The following FLYWCH1 variants were observed in gnomAD, a reference collection of about 807,000 sequenced individuals.
FLYWCH1 encodes FLYWCH-type zinc finger-containing protein 1.
A neutral mutation model predicts 66.4 loss-of-function variants in FLYWCH1; 75 were observed. That is an observed-to-expected ratio of 1.13 (90% CI 0.94 to 1.37). The LOEUF is 1.37. Among genes scored for constraint, FLYWCH1 ranks in the 40% most tolerant of loss-of-function variants. The pLI, the probability that FLYWCH1 is intolerant of heterozygous loss-of-function variation, is 0.00. For missense variants in FLYWCH1, 1,334 were observed against 1,001.8 expected, an observed-to-expected ratio of 1.33 and a Z score of -4.48; for synonymous variants, 595 against 429.9, an observed-to-expected ratio of 1.38 and a Z score of -4.75.
At chr16:2,920,175 C>G (rs1596356466) in intron 2 of FLYWCH1, among the ~76,000 whole-genome samples, 2 of 152,014 alleles carry the variant, frequency 1.3e-5, no homozygotes, top group African/African-American at 4.8e-5. Context: ...GAAAATTTCA[C>G]AACATATAAT....
At chr16:2,924,828 G>A (rs1443040563) in intron 2 of FLYWCH1, among the ~76,000 whole-genome samples, 2 of 152,252 alleles carry the variant, frequency 1.3e-5, no homozygotes, top group Non-Finnish European at 2.9e-5. Flanking sequence ...CCGGCGGTCA[G>A]GGCCTTTTCT....
At position 2,919,524 on chromosome 16, in the gene FLYWCH1, G is replaced by A. The variant is rs1484921173; in HGVS notation, c.-74+5235G>A. On this transcript the variant is annotated intron_variant, in intron 2 of 9. Transcript: ENST00000253928. ...CGTGATCCGCCTGCCTTGGCCTGCC[G>A]AAGTGCTGGGATTACAGGCGTGAGC... 2.0e-5 allele frequency among the ~76,000 whole-genome samples: 3 copies of A among 151,094 alleles called. No homozygotes were observed. In the East Asian group the frequency reaches 5.9e-4, roughly 30 times the overall value.
At chr16:2,938,601 G>GTA in intron 8 of FLYWCH1, 145 bp downstream of exon 8, 3 of 494,202 alleles carry the variant, frequency 6.1e-6, no homozygotes, top group Non-Finnish European at 6.2e-6. Context: ...TGTGAAACCA[G>GTA]TCTTTGTTTT....
Position 2,933,203 on chromosome 16 carries a change from C to T in FLYWCH1, c.870C>T (p.Tyr290=). 6.2e-7 allele frequency: 1 copy of T among 1,613,680 alleles called. No individual in the cohort carries two copies. Among genetic ancestry groups the T allele is most frequent in the Non-Finnish European group, 8.5e-7 (1 of 1,179,836 alleles). Residue 290 remains tyrosine (Y), a synonymous_variant, in exon 5 of 10, where the codon TAC becomes TAT. Transcript: ENST00000253928. ...GSFLVHESFL[Y]KREKAVGDKV... ...TCCTGGTACACGAGTCGTTCCTCTA[C>T]AAGCGGGAGAAGGCTGTCGGGGACA...
intron 9 of FLYWCH1, among the ~76,000 whole-genome samples, chr16:2,941,153 T>C (rs550656409): frequency 6.6e-6 from 1 of 152,002 alleles, no homozygotes; most frequent in Non-Finnish European, 1.5e-5. Context: ...AACACACTTA[T>C]AAGAAACCAG....
chr16:2,918,735 C>T lies in FLYWCH1; in HGVS notation c.-74+4446C>T, dbSNP rs1433838529. On this transcript the variant is annotated intron_variant, in intron 2 of 9. Transcript: ENST00000253928. ...GGATTAGAGGCGTGAACCACCGTGC[C>T]TGGCCTTAAATGTTTTTAAGTTATA... Among the ~76,000 whole-genome samples, 3 of 152,278 alleles carry T rather than the reference C, an allele frequency of 2.0e-5. No homozygotes were observed. In the East Asian group the frequency reaches 5.8e-4, roughly 29 times the overall value.
chr16:2,942,070 G>C (rs1270368177), intron 9 of FLYWCH1, among the ~76,000 whole-genome samples: 1 of 151,158 alleles, frequency 6.6e-6, no homozygotes, highest in Non-Finnish European at 1.5e-5. Context: ...CCAAAAGTTG[G>C]TTCTGTATAA....
In FLYWCH1 at chr16:2,948,667, C is replaced by T. The variant is rs762002121; in HGVS notation, c.2112-21C>T. 10 of 1,612,358 alleles carry T rather than the reference C, an allele frequency of 6.2e-6. No individual in the cohort carries two copies. In the Admixed American group the frequency reaches 1.5e-4, roughly 24 times the overall value. On this transcript the variant is annotated intron_variant, in intron 9 of 9. Coordinates refer to ENST00000253928, the MANE Select transcript of FLYWCH1 (RefSeq NM_001308068.2). Reference sequence around the variant, plus strand: ...ACCATGTTTTGATGTGTGCAATGAACATGTGTCTCTTTGTAATTAGGGACA... The same window carrying T: ...ACCATGTTTTGATGTGTGCAATGAATATGTGTCTCTTTGTAATTAGGGACA...
At chr16:2,929,441 G>C (rs113481416) in intron 2 of FLYWCH1, among the ~76,000 whole-genome samples, 172 bp from the exon 3 acceptor site, 4 of 152,248 alleles carry the variant, frequency 2.6e-5, no homozygotes, top group African/African-American at 7.2e-5. Flanking sequence ...ACGTACCTAA[G>C]GCTGCCAGGA....
rs990366983 is a variant in FLYWCH1, at chr16:2,950,653, C to T, written c.*1926C>T. On this transcript the variant is annotated 3_prime_UTR_variant, in exon 10 of 10. Coordinates refer to ENST00000253928, the MANE Select transcript of FLYWCH1 (RefSeq NM_001308068.2). ...ATGATGCCATGCCCTGCTCTGGGCA[C>T]CCCTAAGCGGGTATGAGGCGAATCA... 1 of 152,362 alleles carries T rather than the reference C, an allele frequency of 6.6e-6. No individual in the cohort carries two copies. The highest frequency in any genetic ancestry group is 1.9e-4 in the East Asian group (1 of 5,200). 9.4% of individuals were successfully genotyped at this position (152,362 alleles called of 1,614,324 possible). A position where few individuals can be genotyped will look rare whatever the true frequency, so the allele number is the denominator to read the frequency against.
rs921278836 is a variant in FLYWCH1 at position 2,931,940 on chromosome 16, T to C, written c.796+1060T>C. Among the ~76,000 whole-genome samples, 10 of 151,680 alleles carry C rather than the reference T, an allele frequency of 6.6e-5. No individual in the cohort carries two copies. The East Asian group carries it at 7.7e-4, about 12-fold the overall frequency. On this transcript the variant is annotated intron_variant, in intron 4 of 9. Transcript: ENST00000253928. ...CATCCTGGCTAACACAGTGAAACCC[T>C]GTCTCTACTAAAAAAATACAAAAAA... is the stretch of plus-strand genomic sequence containing the variant.
At chr16:2,927,732 C>T (rs941983923) in intron 2 of FLYWCH1, among the ~76,000 whole-genome samples, 4 of 152,170 alleles carry the variant, frequency 2.6e-5, no homozygotes, top group African/African-American at 2.4e-5. Context: ...CCACACTGGG[C>T]GCCAGGTGAA....
chr16:2,914,099 G>A (rs533832434), intron 1 of FLYWCH1, 77 bp from the exon 2 acceptor site: 5 of 152,240 alleles, frequency 3.3e-5, no homozygotes, highest in Non-Finnish European at 7.3e-5. Context: ...TGAACACCTT[G>A]TTCTTGTCTA....
At position 2,949,100 on chromosome 16, in the gene FLYWCH1, G is replaced by A. The variant is rs376665617; in HGVS notation, c.*373G>A. On this transcript the variant is annotated 3_prime_UTR_variant, in exon 10 of 10. Coordinates refer to ENST00000253928, the MANE Select transcript of FLYWCH1 (RefSeq NM_001308068.2). ...AGGGCTTTCCACCTGGCGAGGCCCC[G>A]CTCTGCTCAGCACGGTGCAAAGTGA... 1.7e-3 allele frequency: 549 copies of A among 325,992 alleles called. 4 individuals are homozygous for A. The highest frequency in any genetic ancestry group is 0.012 in the South Asian group (433 of 35,834). 20.2% of individuals were successfully genotyped at this position (325,992 alleles called of 1,614,324 possible). A position where few individuals can be genotyped will look rare whatever the true frequency, so the allele number is the denominator to read the frequency against.
intron 6 of FLYWCH1, chr16:2,936,335 C>T: frequency 2.2e-6 from 1 of 454,070 alleles, no homozygotes; most frequent in South Asian, 1.6e-5. Context: ...TCCCCAGGCT[C>T]CTGTGCTGCT....
intron 6 of FLYWCH1, chr16:2,936,797 GCA>G: frequency 9.1e-6 from 5 of 548,286 alleles, no homozygotes; most frequent in South Asian, 7.7e-5. Context: ...CAGGCACGGC[GCA>G]CCCTGCATGC....
chr16:2,920,562 A>G (rs895023572), intron 2 of FLYWCH1, among the ~76,000 whole-genome samples: 1 of 150,334 alleles, frequency 6.7e-6, no homozygotes, highest in Non-Finnish European at 1.5e-5. Flanking sequence ...AATCTGAGTC[A>G]TTCTGACCAT....
intron 4 of FLYWCH1, among the ~76,000 whole-genome samples, chr16:2,931,512 A>T (rs1389213515): frequency 1.3e-5 from 2 of 151,362 alleles, no homozygotes; most frequent in Admixed American, 1.3e-4. Flanking sequence ...GCCACTTGGG[A>T]GACTGAGGTG....
Position 2,948,867 on chromosome 16 carries a change from CAGG to C in FLYWCH1, c.*144_*146del. 2 of 701,252 alleles carry C rather than the reference CAGG, an allele frequency of 2.9e-6. No individual in the cohort carries two copies. Among genetic ancestry groups the C allele is most frequent in the Middle Eastern group, 4.0e-4 (1 of 2,480 alleles). 43.4% of individuals were successfully genotyped at this position (701,252 alleles called of 1,614,324 possible). A position where few individuals can be genotyped will look rare whatever the true frequency, so the allele number is the denominator to read the frequency against. On this transcript the variant is annotated 3_prime_UTR_variant, in exon 10 of 10. Coordinates refer to ENST00000253928, the MANE Select transcript of FLYWCH1 (RefSeq NM_001308068.2). ...AGCATCGATGGTCTTCGCGTCTCCT[CAGG>C]AGGTCTCCCAGGAGGAATTCTTGGA... is the stretch of plus-strand genomic sequence containing the variant.
Sources: gnomAD v4.1 joint callset for allele counts (sites outside exome capture counted in the v4.1 genomes callset) on GRCh38, gnomAD v4.1.1 for gene constraint, MANE v1.5 for transcripts, NCBI Gene and HGNC (gene_info 2026-07-23, HGNC 2026-07-21) for gene names.